PODXL: variants seen among roughly 807,000 people sequenced by gnomAD.
The protein encoded by PODXL is podocalyxin like.
In PODXL, 20 loss-of-function variants were observed where a neutral mutation model predicts 48.9. That is an observed-to-expected ratio of 0.41 (90% CI 0.29 to 0.59). The LOEUF (loss-of-function observed/expected upper bound fraction) is 0.59. PODXL is among the 20% of genes least tolerant of loss of function. The probability of loss-of-function intolerance (pLI) is 0.31; values close to 1 mark genes in which losing one functional copy is unlikely to be tolerated. For synonymous variants in PODXL, 295 were observed against 287.4 expected (o/e 1.03, Z -0.27); for missense variants, 606 against 675.1 (o/e 0.90, Z 1.13).
At chr7:131,547,894 C>T (rs935476738) in intron 1 of PODXL, among the ~76,000 whole-genome samples, 1 of 152,210 alleles carries the variant, frequency 6.6e-6, no homozygotes, top group Non-Finnish European at 1.5e-5. Context: ...ACAGTATTTC[C>T]TTGGCCCTGC....
At chr7:131,507,019 TC>T (rs1451285720) in intron 5 of PODXL, 5 of 356,766 alleles carry the variant, frequency 1.4e-5, no homozygotes, top group Non-Finnish European at 1.0e-5. Flanking sequence ...GCCTCTTTTT[TC>T]CCTCCAAGCT....
chr7:131,539,505 A>G (rs1481253310), intron 1 of PODXL, among the ~76,000 whole-genome samples: 1 of 152,054 alleles, frequency 6.6e-6, no homozygotes, highest in East Asian at 1.9e-4. Context: ...TCATTTTTGT[A>G]TTTTTAGTAG....
chr7:131,523,805 T>C (rs1584818153), intron 1 of PODXL, among the ~76,000 whole-genome samples: 1 of 152,006 alleles, frequency 6.6e-6, no homozygotes, highest in East Asian at 1.9e-4. Context: ...ACAAATTTTT[T>C]TTTTTTTGAG....
intron 1 of PODXL, among the ~76,000 whole-genome samples, chr7:131,511,725 G>A (rs1797917394): frequency 6.6e-6 from 1 of 152,106 alleles, no homozygotes; most frequent in African/African-American, 2.4e-5. Flanking sequence ...CTCAGAGCTG[G>A]GATTACAGGC....
At chr7:131,537,682 C>A (rs2116846820) in intron 1 of PODXL, among the ~76,000 whole-genome samples, 1 of 143,890 alleles carries the variant, frequency 6.9e-6, no homozygotes, top group Non-Finnish European at 1.5e-5. Context: ...TAACCAGCAC[C>A]AGATGGTGAA....
At chr7:131,546,351 A>G (rs576078759) in intron 1 of PODXL, among the ~76,000 whole-genome samples, 1 of 152,332 alleles carries the variant, frequency 6.6e-6, no homozygotes, top group East Asian at 1.9e-4. Flanking sequence ...AAGAGAGCCA[A>G]GAGGTGGAAG....
Position 131,509,436 on chromosome 7 carries a change from G to A in PODXL, c.952C>T (p.Pro318Ser). 1 of 1,614,114 alleles carries A rather than the reference G, an allele frequency of 6.2e-7. No individual in the cohort carries two copies. ...CGGTGGGTAGTTGATGCTGCTGTGG[G>A]GCTGGAGCTCATGGTCTCTGGCAGG... ...PTLPETMSSS[P>S]TAASTTHRYP... Residue 318 changes from proline (P) to serine (S), a missense_variant, in exon 4 of 9, where the codon CCC (proline) becomes TCC (serine). Pro to Ser is a moderately conservative substitution (Grantham distance 74). Transcript: ENST00000378555.
At chr7:131,512,725 CCCAGCACTTT>C (rs1797935262) in intron 1 of PODXL, among the ~76,000 whole-genome samples, 1 of 152,170 alleles carries the variant, frequency 6.6e-6, no homozygotes, top group African/African-American at 2.4e-5. Context: ...TGCCTTTAAT[CCCAGCACTTT>C]GGGAGGCTGA....
At position 131,510,953 on chromosome 7, in the gene PODXL, G is replaced by A. The variant is rs12670788; in HGVS notation, c.581C>T (p.Ser194Leu). The A allele has an allele frequency of 0.45, 729,922 of 1,613,740 alleles. 172,581 individuals are homozygous for A. Among genetic ancestry groups the A allele is most frequent in the East Asian group, 0.6 (26,792 of 44,856 alleles). ...TSPLSPRQPT[S>L]THPVATPTSS... ...TGTTGGGGTGGCCACAGGATGCGTC[G>A]AAGTGGGTTGTCGGGGGCTAAGTGG... is the stretch of plus-strand genomic sequence containing the variant. Residue 194 changes from serine (S) to leucine (L), a missense_variant, in exon 2 of 9, where the codon TCG (serine) becomes TTG (leucine). Physicochemically the swap from Ser to Leu is moderately radical, Grantham distance 145. Transcript: ENST00000378555.
intron 1 of PODXL, among the ~76,000 whole-genome samples, chr7:131,517,420 CACA>C (rs1365424473): frequency 7.2e-5 from 11 of 152,192 alleles, no homozygotes; most frequent in Non-Finnish European, 1.3e-4. Context: ...TGTGTTGACT[CACA>C]ACGATAGAGA....
intron 1 of PODXL, among the ~76,000 whole-genome samples, chr7:131,535,616 G>C (rs866525538): frequency 6.6e-6 from 1 of 152,184 alleles, no homozygotes; most frequent in Non-Finnish European, 1.5e-5. Context: ...CAACTTTGCC[G>C]TCATGGGCCT....
chr7:131,544,586 C>T (rs569565381), intron 1 of PODXL, among the ~76,000 whole-genome samples: 25 of 151,944 alleles, frequency 1.6e-4, no homozygotes, highest in Middle Eastern at 6.8e-3. Flanking sequence ...ATCAGGGAGG[C>T]GTGGGCAGGA....
chr7:131,550,442 G>A lies in PODXL; in HGVS notation c.100+5818C>T, dbSNP rs186149317. On this transcript the variant is annotated intron_variant, in intron 1 of 8. Transcript: ENST00000378555. ...GGCTGAGGTGGGCAGATCACTCAAGGTTAGGCGTTCAAGACCAGCCTGGCC... is the reference window on the plus strand; with the variant it reads ...GGCTGAGGTGGGCAGATCACTCAAGATTAGGCGTTCAAGACCAGCCTGGCC... 1.1e-4 allele frequency among the ~76,000 whole-genome samples: 16 copies of A among 152,230 alleles called. 1 individual carries two copies. In the East Asian group the frequency reaches 2.7e-3, roughly 26 times the overall value.
At chr7:131,535,114 C>G (rs545709222) in intron 1 of PODXL, among the ~76,000 whole-genome samples, 92 of 152,196 alleles carry the variant, frequency 6.0e-4, no homozygotes, top group Middle Eastern at 6.8e-3. Context: ...AGGGTATCTC[C>G]TTAATTCTCA....
At chr7:131,553,278 C>T (rs940373183) in intron 1 of PODXL, among the ~76,000 whole-genome samples, 2 of 152,206 alleles carry the variant, frequency 1.3e-5, no homozygotes, top group African/African-American at 4.8e-5. Flanking sequence ...AAAACCCCAC[C>T]TCCTTCAGGA....
At chr7:131,554,272 C>G (rs555199663) in intron 1 of PODXL, among the ~76,000 whole-genome samples, 11 of 152,274 alleles carry the variant, frequency 7.2e-5, no homozygotes, top group Admixed American at 5.2e-4. Flanking sequence ...ATGCCCCCCA[C>G]AAGCCTTTTC....
intron 1 of PODXL, among the ~76,000 whole-genome samples, chr7:131,531,642 C>G (rs1308483423): frequency 6.6e-6 from 1 of 152,238 alleles, no homozygotes. Context: ...CACTCCCTGG[C>G]TGAAGCAGTA....
intron 3 of PODXL, 116 bp from the exon 4 acceptor site, chr7:131,509,701 G>T: frequency 1.5e-6 from 1 of 651,712 alleles, no homozygotes; most frequent in Non-Finnish European, 2.5e-6. Flanking sequence ...CTCCCACAGA[G>T]ACGGAAGAAG....
chr7:131,534,958 G>T (rs1798346427), intron 1 of PODXL, among the ~76,000 whole-genome samples: 1 of 152,144 alleles, frequency 6.6e-6, no homozygotes. Flanking sequence ...AGGCTGAGGT[G>T]GGAGGATGGC....
Sources: gnomAD v4.1 joint callset for allele counts (sites outside exome capture counted in the v4.1 genomes callset) on GRCh38, gnomAD v4.1.1 for gene constraint, MANE v1.5 for transcripts, NCBI Gene and HGNC (gene_info 2026-07-23, HGNC 2026-07-21) for gene names.